ITGA8: variants seen among roughly 807,000 people sequenced by gnomAD.
ITGA8 encodes the protein integrin subunit alpha 8, also known as integrin alpha-8.
A neutral mutation model predicts 142.3 loss-of-function variants in ITGA8; 91 were observed. That is an observed-to-expected ratio of 0.64 (90% CI 0.54 to 0.76). ITGA8 has a LOEUF of 0.76. ITGA8 is among the 30% of genes least tolerant of loss of function. The probability of loss-of-function intolerance (pLI) is 0.00; values close to 1 mark genes in which losing one functional copy is unlikely to be tolerated. For synonymous variants in ITGA8, 505 were observed against 485.2 expected (o/e 1.04, Z -0.54); for missense variants, 1,406 against 1,327.7 (o/e 1.06, Z -0.92).
Position 15,515,816 on chromosome 10 carries a change from TA to T in ITGA8, c.*1341del. ...GATTATGAATTATTTACAAGAGTTT[TA>T]AACATAAAAAATTTGTGATGGTTAA... On this transcript the variant is annotated 3_prime_UTR_variant, in exon 30 of 30. Coordinates refer to ENST00000378076, the MANE Select transcript of ITGA8 (RefSeq NM_003638.3). 6.6e-6 allele frequency: 1 copy of T among 152,298 alleles called. No individual in the cohort carries two copies. Among genetic ancestry groups the T allele is most frequent in the African/African-American group, 2.4e-5 (1 of 41,562 alleles). 9.4% of individuals were successfully genotyped at this position (152,298 alleles called of 1,614,324 possible). A position where few individuals can be genotyped will look rare whatever the true frequency, so the allele number is the denominator to read the frequency against.
chr10:15,572,211 C>A lies in ITGA8; in HGVS notation c.2637G>T (p.Lys879Asn). The A allele has an allele frequency of 6.2e-7, 1 of 1,611,444 alleles. No individual in the cohort carries two copies. Among genetic ancestry groups the A allele is most frequent in the Non-Finnish European group, 8.5e-7 (1 of 1,178,426 alleles). Residue 879 changes from lysine to asparagine, a missense_variant and splice_region_variant, in exon 25 of 30, where the codon AAG becomes AAT. Physicochemically the swap from Lys to Asn is moderately conservative, Grantham distance 94. Transcript: ENST00000378076. ...PNPNINPQDI[K>N]PAASPEDTPE... Reference sequence around the variant, plus strand: ...GCCACTGATTAGACCAGACTCCTACCTTTATATCCTGTGGATTGATATTAG... The same window carrying A: ...GCCACTGATTAGACCAGACTCCTACATTTATATCCTGTGGATTGATATTAG...
chr10:15,591,442 A>T (rs1441990379), intron 22 of ITGA8, among the ~76,000 whole-genome samples: 2 of 128,048 alleles, frequency 1.6e-5, no homozygotes, highest in African/African-American at 5.2e-5. Context: ...ATATTATATT[A>T]TATTATATGT....
chr10:15,640,239 G>C (rs556303957), intron 13 of ITGA8, among the ~76,000 whole-genome samples: 1 of 152,284 alleles, frequency 6.6e-6, no homozygotes, highest in African/African-American at 2.4e-5. Context: ...CCACGGGACC[G>C]ACCTGGGTGT....
Position 15,597,169 on chromosome 10 carries a change from T to G in ITGA8, c.2211+38A>C, listed in dbSNP as rs753804656. The G allele has an allele frequency of 1.6e-5, 24 of 1,513,420 alleles. No individual in the cohort carries two copies. The Admixed American group carries it at 4.0e-4, about 25-fold the overall frequency. 93.7% of individuals were successfully genotyped at this position (1,513,420 alleles called of 1,614,324 possible). ...CCATTTGTTCCCTGTGAAGTCCAGT[T>G]AGAAGGAAATCAGTCAGTATTTCTG... is the stretch of plus-strand genomic sequence containing the variant. On this transcript the variant is annotated intron_variant, in intron 21 of 29. Transcript: ENST00000378076.
intron 4 of ITGA8, among the ~76,000 whole-genome samples, chr10:15,679,018 T>C (rs1834686664): frequency 6.6e-6 from 1 of 152,218 alleles, no homozygotes; most frequent in South Asian, 2.1e-4. Context: ...AGGAATAACA[T>C]CCCTTTTGGC....
chr10:15,708,399 G>A (rs1835301120), intron 2 of ITGA8, among the ~76,000 whole-genome samples: 1 of 152,116 alleles, frequency 6.6e-6, no homozygotes, highest in Non-Finnish European at 1.5e-5. Context: ...AAAATTTCCA[G>A]TGGAGACCAG....
At chr10:15,519,266 G>T in intron 29 of ITGA8, 24 bp downstream of exon 29, 1 of 1,612,058 alleles carries the variant, frequency 6.2e-7, no homozygotes. Context: ...TAGTTTAAAA[G>T]GAAAACAAAG....
At chr10:15,702,603 T>C (rs1835185990) in intron 2 of ITGA8, among the ~76,000 whole-genome samples, 1 of 152,180 alleles carries the variant, frequency 6.6e-6, no homozygotes, top group African/African-American at 2.4e-5. Flanking sequence ...CGTGAAGATC[T>C]TGACCCCACA....
In ITGA8 at chr10:15,671,602, C is replaced by G; in HGVS notation, c.847+1G>C. On this transcript the variant is annotated splice_donor_variant, in intron 8 of 29. Transcript: ENST00000378076. LOFTEE classifies it high-confidence loss of function. ...GATTTAAACTCAACAGTGCCTCTCA[C>G]CTTGCTGAGAATCCCCAGTAAACTC... 6.2e-7 allele frequency: 1 copy of G among 1,611,610 alleles called. No individual in the cohort carries two copies. The highest frequency in any genetic ancestry group is 8.5e-7 in the Non-Finnish European group (1 of 1,177,890).
chr10:15,698,879 ATTAT>A (rs1300428845), intron 2 of ITGA8, among the ~76,000 whole-genome samples: 2 of 152,160 alleles, frequency 1.3e-5, no homozygotes, highest in Non-Finnish European at 2.9e-5. Context: ...AACTCTGGCA[ATTAT>A]TTATTTTGCT....
intron 13 of ITGA8, among the ~76,000 whole-genome samples, chr10:15,629,956 A>C (rs1192395751): frequency 6.6e-6 from 1 of 151,980 alleles, no homozygotes; most frequent in East Asian, 1.9e-4. Context: ...ACAAATAAAC[A>C]AAAAAACAAG....
intron 27 of ITGA8, among the ~76,000 whole-genome samples, chr10:15,536,187 C>T (rs540609927): frequency 6.6e-6 from 1 of 152,238 alleles, no homozygotes; most frequent in East Asian, 1.9e-4. Flanking sequence ...CAATTCCGGG[C>T]ACAGTAAGAT....
intron 6 of ITGA8, among the ~76,000 whole-genome samples, chr10:15,674,720 G>C (rs753773821): frequency 6.6e-6 from 1 of 152,038 alleles, no homozygotes; most frequent in South Asian, 2.1e-4. Context: ...TCATGAGTTT[G>C]AGACCAGGAT....
chr10:15,668,929 C>T (rs998641849), intron 8 of ITGA8, among the ~76,000 whole-genome samples: 2 of 152,222 alleles, frequency 1.3e-5, no homozygotes, highest in African/African-American at 4.8e-5. Context: ...GTAACCCGAC[C>T]TTTCTCTCTG....
chr10:15,680,768 C>T (rs1452787889), intron 4 of ITGA8, among the ~76,000 whole-genome samples: 2 of 150,882 alleles, frequency 1.3e-5, no homozygotes, highest in East Asian at 3.9e-4. Flanking sequence ...TAAGAGAAAA[C>T]ATTCATTTTT....
intron 25 of ITGA8, among the ~76,000 whole-genome samples, chr10:15,560,965 A>G (rs7893179): frequency 0.4 from 59,787 of 151,172 alleles, 12,449 homozygotes; most frequent in African/African-American, 0.53. Flanking sequence ...CTGGAGCATA[A>G]TGGGTACAAT....
Position 15,595,020 on chromosome 10 carries a change from C to G in ITGA8, c.2211+2187G>C, listed in dbSNP as rs192075473. 1.6e-4 allele frequency among the ~76,000 whole-genome samples: 24 copies of G among 152,136 alleles called. No individual in the cohort carries two copies. The East Asian group carries it at 4.6e-3, about 29-fold the overall frequency. On this transcript the variant is annotated intron_variant, in intron 21 of 29. Coordinates refer to ENST00000378076, the MANE Select transcript of ITGA8 (RefSeq NM_003638.3). ...CTCATGGCATTGATTTTAAAGCGCT[C>G]TTATTGACCCCACCGTTTAAAAAAA...
At chr10:15,657,591 G>A (rs1481822182) in intron 10 of ITGA8, among the ~76,000 whole-genome samples, 1 of 137,220 alleles carries the variant, frequency 7.3e-6, no homozygotes. Context: ...GGCCTCAAGT[G>A]ATCCTCCTGC....
chr10:15,664,329 C>T (rs949992405), intron 8 of ITGA8, among the ~76,000 whole-genome samples: 7 of 152,030 alleles, frequency 4.6e-5, no homozygotes, highest in Admixed American at 2.0e-4. Flanking sequence ...GAGGACAAGT[C>T]CTTTATGAAT....
Sources: gnomAD v4.1 joint callset for allele counts (sites outside exome capture counted in the v4.1 genomes callset) on GRCh38, gnomAD v4.1.1 for gene constraint, MANE v1.5 for transcripts, NCBI Gene and HGNC (gene_info 2026-07-23, HGNC 2026-07-21) for gene names.